Variants in PLEKHA7 observed in about 807,000 individuals in gnomAD.
The protein encoded by PLEKHA7 is pleckstrin homology domain containing A7, also known as pleckstrin homology domain-containing family A member 7.
Under a neutral mutation model 170.0 loss-of-function variants are expected in PLEKHA7, and 104 were observed. The ratio of observed to expected loss-of-function variants is 0.61; its 90% CI spans 0.52 to 0.72. The LOEUF is 0.72. Among genes scored for constraint, PLEKHA7 ranks in the 30% least tolerant of loss-of-function variants. The probability of loss-of-function intolerance (pLI) is 0.00; values close to 1 mark genes in which losing one functional copy is unlikely to be tolerated. For synonymous variants in PLEKHA7, 648 were observed against 660.8 expected, an observed-to-expected ratio of 0.98 and a Z score of 0.30; for missense variants, 1,615 against 1,671.7, an observed-to-expected ratio of 0.97 and a Z score of 0.59.
intron 3 of PLEKHA7, among the ~76,000 whole-genome samples, chr11:16,927,918 A>G (rs866344468): frequency 2.0e-5 from 3 of 152,184 alleles, no homozygotes; most frequent in African/African-American, 7.2e-5. Context: ...TTTTAAAATG[A>G]TATTTTAAAT....
At chr11:16,922,342 T>C (rs1427070247) in intron 3 of PLEKHA7, among the ~76,000 whole-genome samples, 1 of 152,156 alleles carries the variant, frequency 6.6e-6, no homozygotes, top group Non-Finnish European at 1.5e-5. Flanking sequence ...GTCCTGAGGA[T>C]GGGGGAGTGG....
intron 3 of PLEKHA7, among the ~76,000 whole-genome samples, chr11:16,889,267 A>G (rs365215): frequency 6.6e-6 from 1 of 151,112 alleles, no homozygotes; most frequent in South Asian, 2.1e-4. Context: ...CTAACAATAG[A>G]TGACCATCTT....
intron 3 of PLEKHA7, among the ~76,000 whole-genome samples, chr11:16,966,785 T>C (rs1372387437): frequency 6.6e-6 from 1 of 152,152 alleles, no homozygotes; most frequent in Non-Finnish European, 1.5e-5. Flanking sequence ...CCTGCTTTAT[T>C]CCTTCAGTCA....
chr11:16,885,645 A>C (rs1856038881), intron 3 of PLEKHA7, among the ~76,000 whole-genome samples: 1 of 152,122 alleles, frequency 6.6e-6, no homozygotes, highest in Non-Finnish European at 1.5e-5. Flanking sequence ...TCTTAAAAAA[A>C]AAAAATTATT....
At chr11:16,800,408 G>A (rs1019795777) in intron 17 of PLEKHA7, among the ~76,000 whole-genome samples, 1 of 152,186 alleles carries the variant, frequency 6.6e-6, no homozygotes, top group Non-Finnish European at 1.5e-5. Context: ...TGAAGTGGCA[G>A]GGCTCTAAGG....
At chr11:16,790,082 TG>T in intron 21 of PLEKHA7, 1 of 574,546 alleles carries the variant, frequency 1.7e-6, no homozygotes, top group Non-Finnish European at 3.1e-6. Context: ...TTGTCCCTGA[TG>T]GGGGGCAGTG....
intron 3 of PLEKHA7, among the ~76,000 whole-genome samples, chr11:16,973,480 T>C (rs1430920162): frequency 6.6e-6 from 1 of 152,194 alleles, no homozygotes; most frequent in African/African-American, 2.4e-5. Flanking sequence ...AAGAGAAGTT[T>C]CTCTTGGTGC....
chr11:16,878,327 G>C (rs1313009689), intron 3 of PLEKHA7, among the ~76,000 whole-genome samples: 2 of 152,066 alleles, frequency 1.3e-5, no homozygotes, highest in Admixed American at 6.5e-5. Flanking sequence ...GATGCCTCCT[G>C]GATCTTTTAA....
chr11:16,855,114 C>T, intron 5 of PLEKHA7, 121 bp from the exon 6 acceptor site: 4 of 750,846 alleles, frequency 5.3e-6, no homozygotes, highest in Non-Finnish European at 9.1e-6. Context: ...ACCCTTTGAT[C>T]AAATGAACAG....
rs1235022128 is a variant in PLEKHA7 at position 16,817,824 on chromosome 11, A to G, written c.1344-502T>C. Among the ~76,000 whole-genome samples the G allele has an allele frequency of 6.6e-6, 1 of 152,156 alleles. No homozygotes were observed. The highest frequency in any genetic ancestry group is 1.9e-4 in the East Asian group (1 of 5,188). ...TCCAGACAACTCTGAGATGCTCCTA[A>G]TGGGTTTCCACTTTGTCCACAGTCA... On this transcript the variant is annotated intron_variant, in intron 10 of 26. Coordinates refer to ENST00000531066, the MANE Select transcript of PLEKHA7 (RefSeq NM_001329630.2). This position sits in a 1 kb window ranked among gnomAD's most constrained non-coding sequence, Gnocchi z 4.4.
rs117281266 is a variant in PLEKHA7, at chr11:16,836,627, C to T, written c.872+4920G>A. On this transcript the variant is annotated intron_variant, in intron 9 of 26. Coordinates refer to ENST00000531066, the MANE Select transcript of PLEKHA7 (RefSeq NM_001329630.2). ...CTGCCTGACGAATAATTTTAACCAA[C>T]CAAATGTCTGAACATCTTATTCTGG... Among the ~76,000 whole-genome samples the T allele has an allele frequency of 4.1e-3, 629 of 152,292 alleles. 2 individuals are homozygous for T. The highest frequency in any genetic ancestry group is 6.6e-3 in the Non-Finnish European group (451 of 68,034).
intron 3 of PLEKHA7, among the ~76,000 whole-genome samples, chr11:16,975,279 T>C (rs971559900): frequency 6.6e-6 from 1 of 152,222 alleles, no homozygotes; most frequent in Non-Finnish European, 1.5e-5. Flanking sequence ...ACTAGCTTTT[T>C]TAAAAATTCA....
intron 3 of PLEKHA7, among the ~76,000 whole-genome samples, chr11:16,961,035 C>A (rs1469380795): frequency 6.6e-6 from 1 of 152,246 alleles, no homozygotes. Flanking sequence ...TCAAGGAAGG[C>A]CACTGCCCCG....
intron 7 of PLEKHA7, among the ~76,000 whole-genome samples, chr11:16,851,932 G>A (rs2135422439): frequency 6.6e-6 from 1 of 152,266 alleles, no homozygotes; most frequent in African/African-American, 2.4e-5. Context: ...ACAACACATA[G>A]TCCCTAACTT....
rs186146093 is a variant in PLEKHA7 at position 16,818,813 on chromosome 11, T to A, written c.1344-1491A>T. ...TTTCTTTTTTTTTTCTCTCTTTTTT[T>A]TCTTTTTTGAGACAGAGTCTTGCTC... On this transcript the variant is annotated intron_variant, in intron 10 of 26. Transcript: ENST00000531066. 5.3e-5 allele frequency among the ~76,000 whole-genome samples: 8 copies of A among 152,280 alleles called. No individual in the cohort carries two copies. In the East Asian group the frequency reaches 1.5e-3, roughly 29 times the overall value.
intron 10 of PLEKHA7, among the ~76,000 whole-genome samples, chr11:16,818,865 G>A (rs1281228505): frequency 1.3e-5 from 2 of 151,428 alleles, no homozygotes; most frequent in African/African-American, 4.9e-5. Context: ...GTGCAGTGGT[G>A]CAATCTCTGC....
intron 4 of PLEKHA7, among the ~76,000 whole-genome samples, chr11:16,859,976 A>T (rs554660313): frequency 6.6e-6 from 1 of 152,356 alleles, no homozygotes; most frequent in East Asian, 1.9e-4. Flanking sequence ...TGGGATGATT[A>T]ACAAAGACTT....
At chr11:16,965,419 T>C (rs767693414) in intron 3 of PLEKHA7, among the ~76,000 whole-genome samples, 10 of 152,152 alleles carry the variant, frequency 6.6e-5, no homozygotes, top group Non-Finnish European at 1.5e-4. Context: ...TCAATGGCAA[T>C]GAGAAAGATA....
In PLEKHA7 at chr11:16,801,738, ATCT is replaced by A; in HGVS notation, c.2234_2236del (p.Lys745del). 1 of 1,614,030 alleles carries A rather than the reference ATCT, an allele frequency of 6.2e-7. No individual in the cohort carries two copies. The highest frequency in any genetic ancestry group is 8.5e-7 in the Non-Finnish European group (1 of 1,179,998). ...CTGCAGCAACTTCTGCTGGTAGGCA[ATCT>A]TCTCCAAGTGCTGGGGCTGGTCTCG... On this transcript the variant is annotated inframe_deletion, in exon 16 of 27. Transcript: ENST00000531066.
Sources: allele counts gnomAD v4.1 joint callset (sites outside exome capture counted in the v4.1 genomes callset), GRCh38; gene constraint gnomAD v4.1.1; non-coding constraint Gnocchi (gnomAD v3.1); transcripts MANE v1.5; gene names NCBI Gene and HGNC (gene_info 2026-07-23, HGNC 2026-07-21).